KCNIP1: variants seen among roughly 807,000 people sequenced by gnomAD.
The protein encoded by KCNIP1 is A-type potassium channel modulatory protein KCNIP1.
KCNIP1 carries 18 observed loss-of-function variants against 33.0 expected under a neutral mutation model. The observed-to-expected ratio is 0.55, with a 90% CI of 0.38 to 0.81. KCNIP1 has a LOEUF of 0.81. KCNIP1 is among the 30% of genes least tolerant of loss of function. The probability of loss-of-function intolerance (pLI) is 0.00; values close to 1 mark genes in which losing one functional copy is unlikely to be tolerated. For synonymous variants in KCNIP1, 93 were observed against 98.3 expected (o/e 0.95, Z 0.32); for missense variants, 238 against 271.6 (o/e 0.88, Z 0.87).
chr5:170,461,906 G>T (rs906734852), intron 1 of KCNIP1, among the ~76,000 whole-genome samples: 2 of 152,122 alleles, frequency 1.3e-5, no homozygotes, highest in Non-Finnish European at 2.9e-5. Flanking sequence ...TAATTGGCAA[G>T]CCACATGTAG....
At chr5:170,706,686 A>G (rs1026889750) in intron 1 of KCNIP1, among the ~76,000 whole-genome samples, 2 of 152,172 alleles carry the variant, frequency 1.3e-5, no homozygotes, top group East Asian at 1.9e-4. Flanking sequence ...TTGAGATAAT[A>G]CTATTCTTGT....
intron 1 of KCNIP1, among the ~76,000 whole-genome samples, chr5:170,488,716 G>A (rs757910614): frequency 9.2e-5 from 14 of 152,140 alleles, no homozygotes; most frequent in Admixed American, 2.0e-4. Flanking sequence ...GGGAGAGGCC[G>A]CATGACATGA....
At position 170,598,728 on chromosome 5, in the gene KCNIP1, AAC is replaced by A. The variant is rs576455637; in HGVS notation, c.61+94097_61+94098del. ...CTCACTTCAGAAGGGCCCTCTCGAG[AAC>A]AGGGATTTCCCCTGCTCTGCAAGGG... On this transcript the variant is annotated intron_variant, in intron 1 of 7. Transcript: ENST00000328939. 2.0e-3 allele frequency among the ~76,000 whole-genome samples: 308 copies of A among 152,124 alleles called. 1 individual carries two copies. The highest frequency in any genetic ancestry group is 3.2e-3 in the Non-Finnish European group (215 of 67,980).
chr5:170,611,385 C>T (rs1175268212), intron 1 of KCNIP1, among the ~76,000 whole-genome samples: 2 of 152,174 alleles, frequency 1.3e-5, no homozygotes, highest in African/African-American at 4.8e-5. Flanking sequence ...ACAGCATCTT[C>T]GAAAGGTGAG....
At chr5:170,678,145 G>T (rs1199983591) in intron 1 of KCNIP1, among the ~76,000 whole-genome samples, 7 of 152,220 alleles carry the variant, frequency 4.6e-5, no homozygotes, top group Non-Finnish European at 8.8e-5. Context: ...TTGTAGCTCT[G>T]ATGGAACTGG....
rs184649386 is a variant in KCNIP1 at position 170,381,517 on chromosome 5, C to G, written c.88+27553C>G. Among the ~76,000 whole-genome samples, 164 of 152,332 alleles carry G rather than the reference C, an allele frequency of 1.1e-3. 2 individuals carry two copies. The highest frequency in any genetic ancestry group is 1.6e-3 in the Non-Finnish European group (106 of 68,030). On this transcript the variant is annotated intron_variant, in intron 1 of 7. Coordinates refer to the KCNIP1 transcript ENST00000377360. ...CAGCCACTTGAACCCCTATGATGGA[C>G]ATAGGCGGAAGGAGCAGCTAGCCCA...
chr5:170,408,718 C>T lies in KCNIP1; in HGVS notation c.88+54754C>T, dbSNP rs182887827. Among the ~76,000 whole-genome samples the T allele has an allele frequency of 1.7e-3, 255 of 152,222 alleles. No homozygotes were observed. The Middle Eastern group carries it at 0.02, about 12-fold the overall frequency. ...TAAAGGAAAACTTGTATTTTAAATA[C>T]CCCCTGGCTTCTTGAAGAACGCTTT... On this transcript the variant is annotated intron_variant, in intron 1 of 7. Coordinates refer to the KCNIP1 transcript ENST00000377360.
At chr5:170,496,241 G>A (rs1757308682) in intron 1 of KCNIP1, among the ~76,000 whole-genome samples, 1 of 152,190 alleles carries the variant, frequency 6.6e-6, no homozygotes, top group Non-Finnish European at 1.5e-5. Context: ...TCAAAGGGCT[G>A]GGGACCCTTG....
chr5:170,700,445 C>G (rs1484089357), intron 1 of KCNIP1, among the ~76,000 whole-genome samples: 3 of 152,120 alleles, frequency 2.0e-5, no homozygotes, highest in Non-Finnish European at 2.9e-5. Flanking sequence ...GGCATCTGCC[C>G]GTGGTCCCTG....
At chr5:170,454,539 ACT>A (rs1756330027) in intron 1 of KCNIP1, among the ~76,000 whole-genome samples, 1 of 152,338 alleles carries the variant, frequency 6.6e-6, no homozygotes, top group Non-Finnish European at 1.5e-5. Flanking sequence ...TGGTTTTTGT[ACT>A]CTGTCTTACA....
intron 1 of KCNIP1, among the ~76,000 whole-genome samples, chr5:170,628,081 A>C (rs1051248352): frequency 6.6e-6 from 1 of 152,346 alleles, no homozygotes; most frequent in Admixed American, 6.5e-5. Context: ...GCCTCTGGGA[A>C]TTCAGAGACG....
upstream of KCNIP1, among the ~76,000 whole-genome samples, chr5:170,502,491 G>A (rs1441230890): frequency 1.3e-5 from 2 of 152,158 alleles, no homozygotes; most frequent in African/African-American, 4.8e-5. Context: ...TGAATGTGGT[G>A]ACTGTCATGC....
At chr5:170,542,893 C>G (rs1756264651) in intron 1 of KCNIP1, among the ~76,000 whole-genome samples, 2 of 152,162 alleles carry the variant, frequency 1.3e-5, no homozygotes. Flanking sequence ...AGTGAAACTG[C>G]TGATTGGGGG....
intron 1 of KCNIP1, among the ~76,000 whole-genome samples, chr5:170,655,948 C>A (rs994429033): frequency 6.6e-6 from 1 of 152,180 alleles, no homozygotes; most frequent in African/African-American, 2.4e-5. Context: ...CTGGAAAGGC[C>A]TTGGGCCCCA....
rs1561586995 is a variant in KCNIP1, at chr5:170,367,422, GAAAGAAAGAAAGA to G, written c.88+13461_88+13473del. On this transcript the variant is annotated intron_variant, in intron 1 of 7. Transcript: ENST00000377360. ...GAAAGAAAGAAAGAAAGAAAGAAAG[GAAAGAAAGAAAGA>G]AAGGAAAGAAAGGAAAGAAAGAAAG... is the stretch of plus-strand genomic sequence containing the variant. Among the ~76,000 whole-genome samples the G allele has an allele frequency of 9.3e-3, 457 of 49,186 alleles. 6 individuals carry two copies. The highest frequency in any genetic ancestry group is 0.017 in the Middle Eastern group (2 of 118). 32.3% of individuals were successfully genotyped at this position (49,186 alleles called of 152,430 possible).
At position 170,718,836 on chromosome 5, in the gene KCNIP1, A is replaced by G; in HGVS notation, c.140A>G (p.Asn47Ser). The change falls in exon 2 of 8, where the codon AAC (asparagine) becomes AGC (serine). Residue 47 changes from asparagine to serine, a missense_variant. Physicochemically the swap from Asn to Ser is conservative, Grantham distance 46 (BLOSUM62 1). Transcript: ENST00000328939. ...EGLEQLEAQT[N>S]FTKRELQVLY... ...CTGGAGCAGCTCGAGGCCCAGACCA[A>G]CTTCACCAAGAGGGAGCTGCAGGTC... The G allele has an allele frequency of 6.2e-7, 1 of 1,610,262 alleles. No individual in the cohort carries two copies. The highest frequency in any genetic ancestry group is 8.5e-7 in the Non-Finnish European group (1 of 1,178,776).
intron 1 of KCNIP1, among the ~76,000 whole-genome samples, chr5:170,597,885 C>G (rs1026304166): frequency 2.0e-5 from 3 of 149,424 alleles, no homozygotes; most frequent in African/African-American, 7.5e-5. Flanking sequence ...AGCTTTCATG[C>G]CAAGTGGAAA....
chr5:170,512,906 C>T (rs1260652442), intron 1 of KCNIP1, among the ~76,000 whole-genome samples: 1 of 152,122 alleles, frequency 6.6e-6, no homozygotes, highest in East Asian at 1.9e-4. Flanking sequence ...AAAAATTAGC[C>T]AGGCGTGGTG....
rs569082572 is a variant in KCNIP1, at chr5:170,438,379, G to T, written c.88+84415G>T. 2.0e-5 allele frequency among the ~76,000 whole-genome samples: 3 copies of T among 152,340 alleles called. No individual in the cohort carries two copies. In the East Asian group the frequency reaches 5.8e-4, roughly 29 times the overall value. ...TGTGGGGACAGCAGGGCACACTGGA[G>T]AGGTGAGGAGGGTCTCCTGTCCTAG... On this transcript the variant is annotated intron_variant, in intron 1 of 7. Transcript: ENST00000377360.
Sources: allele counts gnomAD v4.1 joint callset (sites outside exome capture counted in the v4.1 genomes callset), GRCh38; gene constraint gnomAD v4.1.1; transcripts MANE v1.5; gene names NCBI Gene and HGNC (gene_info 2026-07-23, HGNC 2026-07-21).